The following FCRL1 variants were observed in gnomAD, a reference collection of about 807,000 sequenced individuals.
The protein encoded by FCRL1 is Fc receptor-like protein 1.
A neutral mutation model predicts 49.2 loss-of-function variants in FCRL1; 34 were observed. The observed-to-expected ratio is 0.69, with a 90% CI of 0.53 to 0.92. The LOEUF (loss-of-function observed/expected upper bound fraction) is 0.92. FCRL1 is among the 40% of genes least tolerant of loss of function. The pLI, the probability that FCRL1 is intolerant of heterozygous loss-of-function variation, is 0.00. For synonymous variants in FCRL1, 218 were observed against 201.6 expected, an observed-to-expected ratio of 1.08 and a Z score of -0.69; for missense variants, 524 against 524.1, an observed-to-expected ratio of 1.00 and a Z score of 0.00.
Position 157,802,520 on chromosome 1 carries a change from T to G in FCRL1, c.464A>C (p.Asn155Thr). Residue 155 changes from asparagine to threonine, a missense_variant, in exon 4 of 11, where the codon AAC (asparagine) becomes ACC (threonine). Transcript: ENST00000368176. ...TGAACGCTGGGTCTTTGACTGAAGGTTTAAACCTACAGCCCCTTTGTACCA... is the reference window on the plus strand; with the variant it reads ...TGAACGCTGGGTCTTTGACTGAAGGGTTAAACCTACAGCCCCTTTGTACCA... ...FLWYKGAVGL[N>T]LQSKTQRSLT... 3.1e-6 allele frequency: 5 copies of G among 1,614,166 alleles called. No homozygotes were observed. The highest frequency in any genetic ancestry group is 1.7e-6 in the Non-Finnish European group (2 of 1,180,024).
chr1:157,800,747 C>A (rs1032755371), intron 6 of FCRL1, among the ~76,000 whole-genome samples: 1 of 151,956 alleles, frequency 6.6e-6, no homozygotes, highest in Non-Finnish European at 1.5e-5. Flanking sequence ...TGTGAATGTG[C>A]GGTTCAGAGA....
chr1:157,802,090 C>T lies in FCRL1; in HGVS notation c.711G>A (p.Pro237=), dbSNP rs4971154. ...LHCEALRGSP[P]ILYWFYHEDI... ...CCTCGTGATAAAACCAGTACAGGAT[C>T]GGAGGAGAGCCTCTCAGGGCCTCAC... The change falls in exon 5 of 11, where the codon CCG becomes CCA. Residue 237 remains proline (P), a synonymous_variant. Transcript: ENST00000368176. 796,476 of 1,613,850 alleles carry T rather than the reference C, an allele frequency of 0.49. 203,058 individuals are homozygous for T. Among genetic ancestry groups the T allele is most frequent in the East Asian group, 0.56 (25,125 of 44,844 alleles).
chr1:157,803,985 G>C lies in FCRL1; in HGVS notation c.179C>G (p.Ala60Gly), dbSNP rs149142723. 1.4e-5 allele frequency: 22 copies of C among 1,614,162 alleles called. 1 individual carries two copies. In the African/African-American group the frequency reaches 2.9e-4, roughly 22 times the overall value. ...GGAGCTGCTCCAGCCTGGGCCCAAG[G>C]CCCGGGTGTCTCTGAAAAAGCAGAA... Reference protein sequence around the residue: ...FQFCFFRDTRALGPGWSSSPK... With the variant: ...FQFCFFRDTRGLGPGWSSSPK... Residue 60 changes from alanine (A) to glycine (G), a missense_variant, in exon 3 of 11, where the codon GCC (alanine) becomes GGC (glycine). By Grantham distance (60) the Ala-to-Gly change is moderately conservative (BLOSUM62 0). Coordinates refer to ENST00000368176, the MANE Select transcript of FCRL1 (RefSeq NM_052938.5).
At position 157,795,846 on chromosome 1, in the gene FCRL1, T is replaced by C; in HGVS notation, c.*253A>G. The C allele has an allele frequency of 2.4e-6, 1 of 421,050 alleles. No individual in the cohort carries two copies. The highest frequency in any genetic ancestry group is 4.3e-6 in the Non-Finnish European group (1 of 230,614). The allele number at this position is 421,050 out of a possible 1,614,324, so 26.1% of individuals were successfully genotyped here. ...AAACAGAAGAGCACAATATGACCTGTTTTCAAAGGAGCCGGCAGGAATCTG... is the reference window on the plus strand; with the variant it reads ...AAACAGAAGAGCACAATATGACCTGCTTTCAAAGGAGCCGGCAGGAATCTG... On this transcript the variant is annotated 3_prime_UTR_variant, in exon 11 of 11. Transcript: ENST00000368176.
chr1:157,815,535 C>G (rs565634803), intron 1 of FCRL1, among the ~76,000 whole-genome samples: 2 of 151,870 alleles, frequency 1.3e-5, no homozygotes, highest in South Asian at 4.2e-4. Context: ...CCTAACGTTT[C>G]ACCTCAAGGA....
At chr1:157,804,185 A>G in intron 2 of FCRL1, 74 bp from the exon 3 acceptor site, 3 of 1,553,888 alleles carry the variant, frequency 1.9e-6, no homozygotes, top group Non-Finnish European at 2.6e-6. Context: ...GTGTCTCAGC[A>G]CTTGCCAACA....
chr1:157,807,630 C>A (rs1194081170), intron 1 of FCRL1, among the ~76,000 whole-genome samples: 1 of 152,162 alleles, frequency 6.6e-6, no homozygotes, highest in African/African-American at 2.4e-5. Context: ...GGCATAGAGA[C>A]CCTTTGTTTA....
intron 1 of FCRL1, among the ~76,000 whole-genome samples, chr1:157,815,377 A>G (rs1418460245): frequency 6.6e-6 from 1 of 151,962 alleles, no homozygotes; most frequent in Non-Finnish European, 1.5e-5. Context: ...AAATAATTCA[A>G]AGAGAAATTT....
chr1:157,817,601 G>A (rs1263208240), intron 1 of FCRL1, among the ~76,000 whole-genome samples: 1 of 152,058 alleles, frequency 6.6e-6, no homozygotes, highest in Non-Finnish European at 1.5e-5. Flanking sequence ...AAAGCTCTAT[G>A]TCACTGATTT....
Position 157,796,028 on chromosome 1 carries a change from C to G in FCRL1, c.*71G>C, listed in dbSNP as rs1029108807. On this transcript the variant is annotated 3_prime_UTR_variant, in exon 11 of 11. Transcript: ENST00000368176. ...TACTGGAAAGCTAATGCCCCAGGAT[C>G]TCTGAAGAACATATCAGGCCTGAGG... is the stretch of plus-strand genomic sequence containing the variant. 2.0e-5 allele frequency: 25 copies of G among 1,267,302 alleles called. No individual in the cohort carries two copies. In the African/African-American group the frequency reaches 3.2e-4, roughly 16 times the overall value. 78.5% of individuals were successfully genotyped at this position (1,267,302 alleles called of 1,614,324 possible).
In FCRL1 at chr1:157,817,892, G is replaced by A. The variant is rs544808577; in HGVS notation, c.31+2115C>T. Among the ~76,000 whole-genome samples, 7 of 152,036 alleles carry A rather than the reference G, an allele frequency of 4.6e-5. No homozygotes were observed. The East Asian group carries it at 7.7e-4, about 17-fold the overall frequency. On this transcript the variant is annotated intron_variant, in intron 1 of 10. Coordinates refer to ENST00000368176, the MANE Select transcript of FCRL1 (RefSeq NM_052938.5). The stretch of plus-strand genomic sequence containing the variant: ...AAGAAGAAATGCAAATGGCCAACAG[G>A]TATATGAAAAAATGCCCAATATCAC...
chr1:157,817,653 A>G (rs922101910), intron 1 of FCRL1, among the ~76,000 whole-genome samples: 2 of 152,170 alleles, frequency 1.3e-5, no homozygotes, highest in African/African-American at 4.8e-5. Flanking sequence ...AGCAAAAGCA[A>G]TAAAAGCAAA....
In FCRL1 at chr1:157,796,001, T is replaced by G; in HGVS notation, c.*98A>C. 1.0e-6 allele frequency: 1 copy of G among 978,626 alleles called. No individual in the cohort carries two copies. The highest frequency in any genetic ancestry group is 1.6e-6 in the Non-Finnish European group (1 of 608,960). 60.6% of individuals were successfully genotyped at this position (978,626 alleles called of 1,614,324 possible). A position where few individuals can be genotyped will look rare whatever the true frequency, so the allele number is the denominator to read the frequency against. ...CATGGAGAATGGCATCCAGAAGAGGTATACTGGAAAGCTAATGCCCCAGGA... is the reference window on the plus strand; with the variant it reads ...CATGGAGAATGGCATCCAGAAGAGGGATACTGGAAAGCTAATGCCCCAGGA... On this transcript the variant is annotated 3_prime_UTR_variant, in exon 11 of 11. Transcript: ENST00000368176.
intron 1 of FCRL1, among the ~76,000 whole-genome samples, chr1:157,814,066 C>A (rs1654710104): frequency 6.6e-6 from 1 of 152,064 alleles, no homozygotes; most frequent in South Asian, 2.1e-4. Context: ...ACTAGACAAG[C>A]CTTAAAGTAA....
intron 1 of FCRL1, among the ~76,000 whole-genome samples, chr1:157,813,916 A>G (rs570696369): frequency 3.3e-4 from 50 of 152,310 alleles, no homozygotes; most frequent in African/African-American, 1.1e-3. Flanking sequence ...GCAGGCCAGG[A>G]AAGAATAAGA....
Position 157,801,680 on chromosome 1 carries a change from T to A in FCRL1, c.887-103A>T, listed in dbSNP as rs936972118. The A allele has an allele frequency of 4.4e-6, 4 of 916,100 alleles. No individual in the cohort carries two copies. The African/African-American group carries it at 5.0e-5, about 12-fold the overall frequency. The allele number at this position is 916,100 out of a possible 1,614,324, so 56.7% of individuals were successfully genotyped here. ...TGTGCCCAAGGTCTGCTCTTCCAAG[T>A]GGGGATTTATTTATTTGTCTAGGGA... On this transcript the variant is annotated intron_variant, in intron 5 of 10. Transcript: ENST00000368176.
intron 7 of FCRL1, among the ~76,000 whole-genome samples, chr1:157,798,621 A>T (rs1447194825): frequency 6.6e-6 from 1 of 152,176 alleles, no homozygotes; most frequent in Non-Finnish European, 1.5e-5. Context: ...ATGCTCCTTC[A>T]TGTGCGGGTA....
chr1:157,806,475 C>T (rs1653471049), intron 2 of FCRL1, among the ~76,000 whole-genome samples: 2 of 152,114 alleles, frequency 1.3e-5, no homozygotes, highest in South Asian at 4.2e-4. Context: ...TACTCTCCTT[C>T]TTTGGTAAAG....
At position 157,798,150 on chromosome 1, in the gene FCRL1, G is replaced by A. The variant is rs978300781; in HGVS notation, c.1114+11C>T. 6.2e-6 allele frequency: 10 copies of A among 1,608,282 alleles called. No homozygotes were observed. Among genetic ancestry groups the A allele is most frequent in the Non-Finnish European group, 8.5e-6 (10 of 1,176,736 alleles). Reference sequence around the variant, plus strand: ...TACCATCGTTGGCCTGGGCCATTTGGGAAGGCTCACCATTTTCATATATAG... The same window carrying A: ...TACCATCGTTGGCCTGGGCCATTTGAGAAGGCTCACCATTTTCATATATAG... On this transcript the variant is annotated intron_variant, in intron 8 of 10. Transcript: ENST00000368176.
Sources: allele counts gnomAD v4.1 joint callset (sites outside exome capture counted in the v4.1 genomes callset), GRCh38; gene constraint gnomAD v4.1.1; transcripts MANE v1.5; gene names NCBI Gene and HGNC (gene_info 2026-07-23, HGNC 2026-07-21).